The following EIF2AK2 variants were observed in gnomAD, a reference collection of about 807,000 sequenced individuals.
The protein encoded by EIF2AK2 is eukaryotic translation initiation factor 2 alpha kinase 2.
A neutral mutation model predicts 70.5 loss-of-function variants in EIF2AK2; 40 were observed. The ratio of observed to expected loss-of-function variants is 0.57; its 90% CI spans 0.44 to 0.74. EIF2AK2 has a LOEUF of 0.74. Ranked by LOEUF, EIF2AK2 falls within the 30% of genes least tolerant of loss-of-function variation. The pLI, the probability that EIF2AK2 is intolerant of heterozygous loss-of-function variation, is 0.00. For synonymous variants in EIF2AK2, 198 were observed against 220.9 expected (o/e 0.90, Z 0.92); for missense variants, 555 against 644.3 (o/e 0.86, Z 1.50).
intron 4 of EIF2AK2, among the ~76,000 whole-genome samples, chr2:37,142,415 G>C (rs1476740492): frequency 1.3e-5 from 2 of 152,054 alleles, no homozygotes; most frequent in Non-Finnish European, 2.9e-5. Flanking sequence ...TTAGAGGTGT[G>C]AGCCACCACA....
intron 1 of EIF2AK2, 170 bp from the exon 2 acceptor site, chr2:37,149,193 C>T: frequency 9.1e-7 from 1 of 1,104,522 alleles, no homozygotes; most frequent in Non-Finnish European, 1.4e-6. Flanking sequence ...GCTTGTCGTG[C>T]CTGTGGTTCT....
In EIF2AK2 at chr2:37,106,848, A is replaced by T. The variant is rs1248384934; in HGVS notation, c.*425T>A. 6.5e-6 allele frequency: 1 copy of T among 154,702 alleles called. No homozygotes were observed. The highest frequency in any genetic ancestry group is 1.9e-4 in the East Asian group (1 of 5,304). 9.6% of individuals were successfully genotyped at this position (154,702 alleles called of 1,614,324 possible). A position where few individuals can be genotyped will look rare whatever the true frequency, so the allele number is the denominator to read the frequency against. ...TACTTGAGGTCAGGAGTTTGAGACC[A>T]GCCTGGCCAACATGGTGAAACCCTG... On this transcript the variant is annotated 3_prime_UTR_variant, in exon 17 of 17. Transcript: ENST00000233057.
chr2:37,147,488 G>A (rs1316538227), intron 3 of EIF2AK2, among the ~76,000 whole-genome samples, 200 bp downstream of exon 3: 2 of 123,156 alleles, frequency 1.6e-5, no homozygotes, highest in Non-Finnish European at 3.2e-5. Flanking sequence ...ACAGTCCCTG[G>A]TGTGTGATGT....
chr2:37,148,625 T>C (rs1405032986), intron 2 of EIF2AK2: 6 of 845,870 alleles, frequency 7.1e-6, no homozygotes, highest in South Asian at 2.6e-5. Flanking sequence ...GTTGCAAGAA[T>C]TGTCATCAAA....
chr2:37,146,873 T>C lies in EIF2AK2; in HGVS notation c.220A>G (p.Ile74Val). The C allele has an allele frequency of 6.2e-7, 1 of 1,613,874 alleles. No individual in the cohort carries two copies. The highest frequency in any genetic ancestry group is 2.2e-5 in the East Asian group (1 of 44,866). ...KNAAAKLAVE[I>V]LNKEKKAVSP... ...CTCACCTTCTTTTCCTTATTAAGTA[T>C]CTCAACAGCTAATTTGGCTGCGGCA... Residue 74 changes from isoleucine to valine, a missense_variant, in exon 4 of 17, where the codon ATA (isoleucine) becomes GTA (valine). By Grantham distance (29) the Ile-to-Val change is conservative. Around this residue, in one of 3 missense-constraint regions of EIF2AK2, gnomAD observed 208 missense variants for 191.8 expected, o/e 1.08. Coordinates refer to ENST00000233057, the MANE Select transcript of EIF2AK2 (RefSeq NM_001135651.3).
At position 37,124,301 on chromosome 2, in the gene EIF2AK2, G is replaced by A. The variant is rs147149976; in HGVS notation, c.909-1637C>T. On this transcript the variant is annotated intron_variant, in intron 11 of 16. Coordinates refer to ENST00000233057, the MANE Select transcript of EIF2AK2 (RefSeq NM_001135651.3). ...TTTTTGAGAAGAGTCTTGCTTTGTCGCCCAGGCTGGAGTGCAATGGCGCGA... is the reference window on the plus strand; with the variant it reads ...TTTTTGAGAAGAGTCTTGCTTTGTCACCCAGGCTGGAGTGCAATGGCGCGA... Among the ~76,000 whole-genome samples, 461 of 149,946 alleles carry A rather than the reference G, an allele frequency of 3.1e-3. 5 individuals carry two copies. The highest frequency in any genetic ancestry group is 0.01 in the African/African-American group (421 of 40,712).
chr2:37,153,298 G>A (rs541561999), intron 1 of EIF2AK2, among the ~76,000 whole-genome samples: 18 of 145,758 alleles, frequency 1.2e-4, no homozygotes, highest in Non-Finnish European at 2.0e-4. Flanking sequence ...CCATTAAACA[G>A]TAACTCCCCA....
chr2:37,156,675 G>A (rs1335680400), intron 1 of EIF2AK2, among the ~76,000 whole-genome samples: 1 of 152,188 alleles, frequency 6.6e-6, no homozygotes. Context: ...TCCCCACCCC[G>A]CTCCACGATC....
chr2:37,138,878 C>T lies in EIF2AK2; in HGVS notation c.517-293G>A, dbSNP rs373434447. ...TGGCACAATCTTGGCTCACTGCAAC[C>T]TCCATCTCCCAGGCTCAGGCAATCC... On this transcript the variant is annotated intron_variant, in intron 6 of 16. Transcript: ENST00000233057. Among the ~76,000 whole-genome samples the T allele has an allele frequency of 1.4e-3, 219 of 152,184 alleles. 2 individuals are homozygous for T. Among genetic ancestry groups the T allele is most frequent in the African/African-American group, 5.0e-3 (207 of 41,532 alleles).
intron 10 of EIF2AK2, among the ~76,000 whole-genome samples, chr2:37,134,568 T>G (rs945631288): frequency 1.5e-4 from 23 of 152,204 alleles, no homozygotes; most frequent in African/African-American, 4.1e-4. Flanking sequence ...TCAACATCAA[T>G]GCAATGGTGC....
At chr2:37,109,428 G>A in intron 14 of EIF2AK2, 133 bp from the exon 15 acceptor site, 1 of 683,674 alleles carries the variant, frequency 1.5e-6, no homozygotes, top group Non-Finnish European at 2.5e-6. Flanking sequence ...CAAAATCTGT[G>A]GAGTCTGACT....
At chr2:37,156,324 G>A (rs1675922608) in intron 1 of EIF2AK2, among the ~76,000 whole-genome samples, 1 of 152,174 alleles carries the variant, frequency 6.6e-6, no homozygotes, top group African/African-American at 2.4e-5. Flanking sequence ...AAGCTACGGG[G>A]AAGGTCGGAG....
At chr2:37,144,807 C>G (rs1472881075) in intron 4 of EIF2AK2, among the ~76,000 whole-genome samples, 1 of 152,006 alleles carries the variant, frequency 6.6e-6, no homozygotes, top group Non-Finnish European at 1.5e-5. Flanking sequence ...ATCTCAAACT[C>G]CCAAATTCAA....
chr2:37,148,747 G>A (rs991550136), intron 2 of EIF2AK2, 110 bp downstream of exon 2: 8 of 835,742 alleles, frequency 9.6e-6, no homozygotes, highest in South Asian at 2.7e-5. Flanking sequence ...TACAGAAGTC[G>A]TGTTGTGACC....
intron 5 of EIF2AK2, among the ~76,000 whole-genome samples, chr2:37,140,337 T>C (rs1675285934): frequency 6.6e-6 from 1 of 152,254 alleles, no homozygotes; most frequent in African/African-American, 2.4e-5. Context: ...AGGACATTTG[T>C]GGTTAGGCAA....
intron 14 of EIF2AK2, among the ~76,000 whole-genome samples, chr2:37,113,612 C>T (rs1674235449): frequency 6.6e-6 from 1 of 151,392 alleles, no homozygotes; most frequent in Non-Finnish European, 1.5e-5. Context: ...GGATCAACAC[C>T]CAATATAGAT....
chr2:37,134,026 T>C (rs986268399), intron 10 of EIF2AK2, among the ~76,000 whole-genome samples: 4 of 152,188 alleles, frequency 2.6e-5, no homozygotes, highest in Non-Finnish European at 5.9e-5. Context: ...AAGCTAACTC[T>C]TCCTTTGCTC....
rs772288623 is a variant in EIF2AK2 at position 37,139,771 on chromosome 2, T to C, written c.390-14A>G. The C allele has an allele frequency of 1.0e-5, 16 of 1,602,890 alleles. No homozygotes were observed. The highest frequency in any genetic ancestry group is 2.2e-5 in the East Asian group (1 of 44,770). On this transcript the variant is annotated splice_polypyrimidine_tract_variant and intron_variant, in intron 5 of 16. Coordinates refer to ENST00000233057, the MANE Select transcript of EIF2AK2 (RefSeq NM_001135651.3). ...TTATAATGAAATCTAGGAGAAATCA[T>C]AGAAGGTACTTATCCAAACATGAAA...
At chr2:37,124,184 T>C (rs1331697430) in intron 11 of EIF2AK2, among the ~76,000 whole-genome samples, 2 of 152,106 alleles carry the variant, frequency 1.3e-5, no homozygotes, top group Non-Finnish European at 2.9e-5. Context: ...CCCAGGTTGG[T>C]CTCGCACTCC....
Sources: gnomAD v4.1 joint callset for allele counts (sites outside exome capture counted in the v4.1 genomes callset) on GRCh38, gnomAD v4.1.1 for gene constraint, gnomAD v4.1.1 regional missense constraint, MANE v1.5 for transcripts, NCBI Gene and HGNC (gene_info 2026-07-23, HGNC 2026-07-21) for gene names.